TM9SF4: variants seen among roughly 807,000 people sequenced by gnomAD.
The protein encoded by TM9SF4 is transmembrane 9 superfamily member 4.
In TM9SF4, 26 loss-of-function variants were observed where a neutral mutation model predicts 90.4. That is an observed-to-expected ratio of 0.29 (90% CI 0.21 to 0.40). The LOEUF is 0.40. Ranked by LOEUF, TM9SF4 falls within the 10% of genes least tolerant of loss-of-function variation. TM9SF4 has a pLI of 1.00. For missense variants in TM9SF4, 549 were observed against 834.8 expected, an observed-to-expected ratio of 0.66 and a Z score of 4.22; for synonymous variants, 293 against 315.4, an observed-to-expected ratio of 0.93 and a Z score of 0.75.
At chr20:32,161,447 T>G in intron 17 of TM9SF4, 82 bp downstream of exon 17, 2 of 1,336,300 alleles carry the variant, frequency 1.5e-6, no homozygotes. Context: ...AAAACCCAAG[T>G]GCCTGAATCT....
At chr20:32,145,539 A>T (rs961851621) in intron 8 of TM9SF4, 116 bp downstream of exon 8, 1 of 835,612 alleles carries the variant, frequency 1.2e-6, no homozygotes, top group Non-Finnish European at 2.0e-6. Context: ...TAGGTCAAAA[A>T]CAGACATCAG....
chr20:32,158,394 C>G, intron 14 of TM9SF4, 57 bp from the exon 15 acceptor site: 1 of 1,574,268 alleles, frequency 6.4e-7, no homozygotes, highest in East Asian at 2.2e-5. Context: ...TGGGAAGGAG[C>G]TTGGGGCTTC....
At chr20:32,112,417 C>T (rs554232134) in intron 1 of TM9SF4, among the ~76,000 whole-genome samples, 10 of 152,072 alleles carry the variant, frequency 6.6e-5, no homozygotes, top group African/African-American at 2.2e-4. Context: ...AACAACAGGC[C>T]GGGAGCAGTG....
chr20:32,165,362 T>C lies in TM9SF4; in HGVS notation c.1847T>C (p.Phe616Ser). 6.2e-7 allele frequency: 1 copy of C among 1,614,218 alleles called. No homozygotes were observed. The highest frequency in any genetic ancestry group is 8.5e-7 in the Non-Finnish European group (1 of 1,180,046). The change falls in exon 18 of 18, where the codon TTC becomes TCC. Residue 616 changes from phenylalanine to serine, a missense_variant. Transcript: ENST00000398022. ...TACACGGCCCTCATGGTCTTGTCCT[T>C]CTGGCTGCTAACGGGTACCATCGGC... The part of the protein sequence containing the change: ...FGYTALMVLS[F>S]WLLTGTIGFY...
At chr20:32,163,268 A>AATATATATATATATAT (rs1186662308) in intron 17 of TM9SF4, among the ~76,000 whole-genome samples, 33 of 74,370 alleles carry the variant, frequency 4.4e-4, no homozygotes, top group South Asian at 1.4e-3. Flanking sequence ...AAAAAAAAAA[A>AATATATATATATATAT]ATATATATAT....
At chr20:32,122,835 T>A (rs2046346229) in intron 1 of TM9SF4, among the ~76,000 whole-genome samples, 1 of 151,806 alleles carries the variant, frequency 6.6e-6, no homozygotes, top group African/African-American at 2.4e-5. Flanking sequence ...AGGTGGAGGT[T>A]GTAGCGAGCC....
intron 16 of TM9SF4, among the ~76,000 whole-genome samples, chr20:32,160,851 G>A (rs2047005220): frequency 6.7e-6 from 1 of 149,154 alleles, no homozygotes; most frequent in African/African-American, 2.5e-5. Context: ...TTGGGAGGCC[G>A]AGGCAGGAGA....
chr20:32,118,837 C>T (rs2046265556), intron 1 of TM9SF4, among the ~76,000 whole-genome samples: 1 of 151,888 alleles, frequency 6.6e-6, no homozygotes, highest in South Asian at 2.1e-4. Flanking sequence ...AGGTTTTGCT[C>T]AGGCTGGTCT....
In TM9SF4 at chr20:32,133,144, T is replaced by C. The variant is rs771979665; in HGVS notation, c.129+18T>C. The C allele has an allele frequency of 6.8e-6, 11 of 1,611,926 alleles. No individual in the cohort carries two copies. The highest frequency in any genetic ancestry group is 9.3e-6 in the Non-Finnish European group (11 of 1,178,474). On this transcript the variant is annotated intron_variant, in intron 2 of 17. Transcript: ENST00000398022. The stretch of plus-strand genomic sequence containing the variant: ...AAATCAAGGTAAGTGTGTTCCTGGA[T>C]TTTTGGAGCCTCTGTGCTAGGCAGT...
chr20:32,142,122 A>G (rs964696544), intron 5 of TM9SF4, among the ~76,000 whole-genome samples: 2 of 152,026 alleles, frequency 1.3e-5, no homozygotes, highest in African/African-American at 2.4e-5. Flanking sequence ...TAAGATTAAA[A>G]CAACATAAAA....
Position 32,142,987 on chromosome 20 carries a change from C to A in TM9SF4, c.534C>A (p.Tyr178Ter). Residue 178 changes from tyrosine (Y) to a stop codon, truncating the protein, a stop_gained, in exon 6 of 18, where the codon TAC becomes TAA. Transcript: ENST00000398022. LOFTEE classifies it high-confidence loss of function. ...RLGFTDVNKIYLHNHLSFILY... is the reference protein window; with the variant it reads ...RLGFTDVNKI ...TCTCTGTTGCTGTGTTTCAGATCTA[C>A]CTGCACAACCACCTCTCATTCATCC... is the stretch of plus-strand genomic sequence containing the variant. 6.2e-7 allele frequency: 1 copy of A among 1,613,336 alleles called. No homozygotes were observed. The highest frequency in any genetic ancestry group is 1.7e-5 in the Admixed American group (1 of 59,996).
chr20:32,123,866 A>ATATATATATTTTTTTTTTTTTTTT, intron 1 of TM9SF4, among the ~76,000 whole-genome samples: 1 of 93,980 alleles, frequency 1.1e-5, no homozygotes, highest in African/African-American at 4.6e-5. Flanking sequence ...ATATATATAT[A>ATATATATATTTTTTTTTTTTTTTT]TTTTTTTTTT....
chr20:32,122,249 G>C (rs1240775399), intron 1 of TM9SF4, among the ~76,000 whole-genome samples: 4 of 73,610 alleles, frequency 5.4e-5, no homozygotes, highest in Non-Finnish European at 9.1e-5. Flanking sequence ...CTGGCCTGGC[G>C]GGGGGCTGAC....
intron 16 of TM9SF4, 154 bp from the exon 17 acceptor site, chr20:32,161,122 C>G: frequency 1.6e-6 from 1 of 641,410 alleles, no homozygotes; most frequent in Non-Finnish European, 2.8e-6. Context: ...GCATACAGTT[C>G]TGGAACCACC....
chr20:32,143,831 C>T lies in TM9SF4; in HGVS notation c.652+726C>T, dbSNP rs538872637. Among the ~76,000 whole-genome samples, 2 of 152,168 alleles carry T rather than the reference C, an allele frequency of 1.3e-5. 1 individual carries two copies. Among genetic ancestry groups the T allele is most frequent in the Admixed American group, 1.3e-4 (2 of 15,270 alleles). ...TCAAGAGCTCCATAGCACATCTCCC[C>T]TGGGAGCTTCCCGAGCGCAGTTCTA... On this transcript the variant is annotated intron_variant, in intron 6 of 17. Coordinates refer to ENST00000398022, the MANE Select transcript of TM9SF4 (RefSeq NM_014742.4).
Position 32,145,100 on chromosome 20 carries a change from C to A in TM9SF4, c.662C>A (p.Ala221Glu), listed in dbSNP as rs2046743283. The change falls in exon 7 of 18, where the codon GCA becomes GAA. Residue 221 changes from alanine (A) to glutamate (E), a missense_variant. By Grantham distance (107) the Ala-to-Glu change is moderately radical (BLOSUM62 -1). Around this residue, in one of 2 missense-constraint regions of TM9SF4, gnomAD observed 495 missense variants for 711.7 expected, o/e 0.70. Transcript: ENST00000398022. ...PQSIRLEDLKADEKSSCTLPE... is the reference protein window; with the variant it reads ...PQSIRLEDLKEDEKSSCTLPE... ...TCTGTGTCTCTCTCAGACCTCAAAG[C>A]AGATGAGAAGAGTTCGTGCACTCTG... The A allele has an allele frequency of 6.2e-7, 1 of 1,614,086 alleles. No individual in the cohort carries two copies. Among genetic ancestry groups the A allele is most frequent in the Non-Finnish European group, 8.5e-7 (1 of 1,179,962 alleles).
intron 9 of TM9SF4, among the ~76,000 whole-genome samples, 169 bp from the exon 10 acceptor site, chr20:32,149,465 T>G (rs1168703282): frequency 6.6e-6 from 1 of 152,234 alleles, no homozygotes; most frequent in Non-Finnish European, 1.5e-5. Flanking sequence ...GTTTGTGGCC[T>G]CCTTTTCTTG....
intron 1 of TM9SF4, among the ~76,000 whole-genome samples, chr20:32,121,424 C>CA (rs2046305020): frequency 6.6e-6 from 1 of 152,012 alleles, no homozygotes; most frequent in South Asian, 2.1e-4. Context: ...ATGCTGCCTT[C>CA]AAGCATCTGT....
intron 1 of TM9SF4, among the ~76,000 whole-genome samples, chr20:32,115,122 C>T (rs530765742): frequency 6.6e-6 from 1 of 152,266 alleles, no homozygotes; most frequent in East Asian, 1.9e-4. Flanking sequence ...TCATGTTCTG[C>T]AGGAGCTACT....
Sources: gnomAD v4.1 joint callset for allele counts (sites outside exome capture counted in the v4.1 genomes callset) on GRCh38, gnomAD v4.1.1 for gene constraint, gnomAD v4.1.1 regional missense constraint, MANE v1.5 for transcripts, NCBI Gene and HGNC (gene_info 2026-07-23, HGNC 2026-07-21) for gene names.